CHST11: variants seen among roughly 807,000 people sequenced by gnomAD.
The protein encoded by CHST11 is C4S-1.
CHST11 carries 9 observed loss-of-function variants against 30.4 expected under a neutral mutation model. That is an observed-to-expected ratio of 0.30 (90% confidence interval 0.18 to 0.52). CHST11 has a LOEUF of 0.52. Ranked by LOEUF, CHST11 falls within the 20% of genes least tolerant of loss-of-function variation. CHST11 has a pLI of 0.97. For synonymous variants in CHST11, 152 were observed against 187.8 expected, an observed-to-expected ratio of 0.81 and a Z score of 1.56; for missense variants, 348 against 460.6, an observed-to-expected ratio of 0.76 and a Z score of 2.24.
At chr12:104,495,154 C>G (rs1452102815) in intron 1 of CHST11, among the ~76,000 whole-genome samples, 1 of 152,160 alleles carries the variant, frequency 6.6e-6, no homozygotes. Context: ...TGACAGGATT[C>G]CTTCCTTTTT....
At chr12:104,683,851 A>G (rs1407965909) in intron 2 of CHST11, among the ~76,000 whole-genome samples, 1 of 152,228 alleles carries the variant, frequency 6.6e-6, no homozygotes, top group East Asian at 1.9e-4. Flanking sequence ...ATTCACATCT[A>G]TGGGAAAATT....
At chr12:104,525,956 A>G (rs2135991255) in intron 1 of CHST11, among the ~76,000 whole-genome samples, 1 of 152,146 alleles carries the variant, frequency 6.6e-6, no homozygotes, top group African/African-American at 2.4e-5. Context: ...GAGAAGAAAG[A>G]GCGTCAAGCC....
Position 104,557,633 on chromosome 12 carries a change from C to T in CHST11, c.119-44273C>T, listed in dbSNP as rs531655308. Among the ~76,000 whole-genome samples, 12 of 151,272 alleles carry T rather than the reference C, an allele frequency of 7.9e-5. No individual in the cohort carries two copies. In the East Asian group the frequency reaches 1.6e-3, roughly 20 times the overall value. ...AGGCCTTGCTCTCAAAGGGAGAGGG[C>T]GGGAGAGGAGGGAACATTTGTTGAG... On this transcript the variant is annotated intron_variant, in intron 1 of 2. Coordinates refer to ENST00000303694, the MANE Select transcript of CHST11 (RefSeq NM_018413.6).
intron 1 of CHST11, among the ~76,000 whole-genome samples, chr12:104,466,007 C>T (rs2037453914): frequency 1.3e-5 from 2 of 151,850 alleles, no homozygotes; most frequent in African/African-American, 4.8e-5. Flanking sequence ...TTACAGGTGC[C>T]CGCCATCACG....
chr12:104,492,667 G>C (rs1338163279), intron 1 of CHST11, among the ~76,000 whole-genome samples: 1 of 152,220 alleles, frequency 6.6e-6, no homozygotes, highest in East Asian at 1.9e-4. Context: ...TGTGTGTCTG[G>C]AACAAGATAC....
chr12:104,528,315 C>G (rs1030731349), intron 1 of CHST11, among the ~76,000 whole-genome samples: 4 of 152,204 alleles, frequency 2.6e-5, no homozygotes, highest in African/African-American at 9.6e-5. Context: ...CAGCTGTGAG[C>G]AAGAAGATTC....
At chr12:104,689,720 C>A (rs914192563) in intron 2 of CHST11, among the ~76,000 whole-genome samples, 4 of 152,054 alleles carry the variant, frequency 2.6e-5, no homozygotes, top group Admixed American at 6.6e-5. Flanking sequence ...AGAGACAGAG[C>A]CCTATGAAGA....
intron 1 of CHST11, among the ~76,000 whole-genome samples, chr12:104,459,689 C>T (rs3751320): frequency 0.46 from 69,541 of 152,094 alleles, 18,718 homozygotes; most frequent in African/African-American, 0.74. Context: ...ATCTTTTCAG[C>T]CTAGCCTTTT....
chr12:104,652,452 C>A (rs1005362699), intron 2 of CHST11, among the ~76,000 whole-genome samples: 8 of 152,170 alleles, frequency 5.3e-5, no homozygotes, highest in Non-Finnish European at 1.0e-4. Context: ...GAGACAGTCA[C>A]GGGAGCAGCA....
intron 2 of CHST11, among the ~76,000 whole-genome samples, chr12:104,737,024 C>G (rs1351546064): frequency 6.6e-6 from 1 of 152,236 alleles, no homozygotes; most frequent in Non-Finnish European, 1.5e-5. Context: ...ATGTGACTTT[C>G]CTTTAACACC....
intron 2 of CHST11, among the ~76,000 whole-genome samples, chr12:104,748,558 G>A (rs890900277): frequency 7.3e-5 from 11 of 151,692 alleles, no homozygotes; most frequent in Non-Finnish European, 1.6e-4. Flanking sequence ...GGGGGAGGGG[G>A]GAGATTAAGA....
intron 1 of CHST11, among the ~76,000 whole-genome samples, chr12:104,515,214 G>A (rs573952276): frequency 7.9e-5 from 12 of 152,328 alleles, no homozygotes; most frequent in Non-Finnish European, 1.8e-4. Context: ...AAGTTTCGCT[G>A]GAACTCAGCC....
chr12:104,559,197 C>T (rs912602014), intron 1 of CHST11, among the ~76,000 whole-genome samples: 1 of 152,186 alleles, frequency 6.6e-6, no homozygotes, highest in Non-Finnish European at 1.5e-5. Flanking sequence ...GGTATCGCCT[C>T]TCTAAGCTGT....
intron 1 of CHST11, among the ~76,000 whole-genome samples, chr12:104,482,173 C>CT (rs113614124): frequency 0.016 from 2,361 of 147,400 alleles, 60 homozygotes; most frequent in African/African-American, 0.054. Context: ...ATGTATGGCT[C>CT]TTTTTTTTTT....
chr12:104,569,147 C>T (rs983681086), intron 1 of CHST11, among the ~76,000 whole-genome samples: 2 of 152,032 alleles, frequency 1.3e-5, no homozygotes, highest in African/African-American at 4.8e-5. Flanking sequence ...GGACTGGAAC[C>T]CAATTGTCTG....
intron 1 of CHST11, among the ~76,000 whole-genome samples, chr12:104,558,578 C>A (rs1439781696): frequency 7.1e-6 from 1 of 140,438 alleles, no homozygotes; most frequent in Non-Finnish European, 1.5e-5. Context: ...CACTCTTGTC[C>A]CCCAGGCTGC....
intron 2 of CHST11, among the ~76,000 whole-genome samples, chr12:104,741,196 G>GGGTGAA (rs2040343835): frequency 6.6e-6 from 1 of 152,230 alleles, no homozygotes; most frequent in African/African-American, 2.4e-5. Flanking sequence ...TGAGGCAAAG[G>GGGTGAA]GGTGAAGGTA....
chr12:104,548,669 T>A (rs2038375792), intron 1 of CHST11, among the ~76,000 whole-genome samples: 1 of 152,164 alleles, frequency 6.6e-6, no homozygotes, highest in Non-Finnish European at 1.5e-5. Flanking sequence ...GCATGCCCTT[T>A]CCTAGTTGCA....
At chr12:104,614,801 A>C (rs1001845126) in intron 2 of CHST11, among the ~76,000 whole-genome samples, 3 of 151,954 alleles carry the variant, frequency 2.0e-5, no homozygotes, top group Non-Finnish European at 4.4e-5. Context: ...TTGCACAGTT[A>C]AAATCTGGCC....
Sources: allele counts gnomAD v4.1 joint callset (sites outside exome capture counted in the v4.1 genomes callset), GRCh38; gene constraint gnomAD v4.1.1; transcripts MANE v1.5; gene names NCBI Gene and HGNC (gene_info 2026-07-23, HGNC 2026-07-21).